TNFSF14: variants seen among roughly 807,000 people sequenced by gnomAD.
TNFSF14 encodes tumor necrosis factor ligand superfamily member 14.
Under a neutral mutation model 22.7 loss-of-function variants are expected in TNFSF14, and 15 were observed. That is an observed-to-expected ratio of 0.66 (90% CI 0.44 to 1.02). TNFSF14 has a LOEUF of 1.02. Ranked by LOEUF, TNFSF14 falls within the 50% of genes least tolerant of loss-of-function variation. TNFSF14 has a pLI of 0.00. For missense variants in TNFSF14, 287 were observed against 326.2 expected, an observed-to-expected ratio of 0.88 and a Z score of 0.93; for synonymous variants, 133 against 139.6, an observed-to-expected ratio of 0.95 and a Z score of 0.33.
At position 6,665,087 on chromosome 19, in the gene TNFSF14, C is replaced by T. The variant is rs772372888; in HGVS notation, c.562G>A (p.Gly188Arg). ...ACCCGGGAGCTGCTGGTGGCCCGTC[C>T]GCAGGGTGACTGCTGGCTGACCAAC... Reference protein sequence around the residue: ...ELLVSQQSPCGRATSSSRVWW... With the variant: ...ELLVSQQSPCRRATSSSRVWW... Residue 188 changes from glycine to arginine, a missense_variant, in exon 4 of 4, where the codon GGA becomes AGA. Gly to Arg is a moderately radical substitution (Grantham distance 125). Transcript: ENST00000675206. 34 of 1,613,926 alleles carry T rather than the reference C, an allele frequency of 2.1e-5. No individual in the cohort carries two copies. In the East Asian group the frequency reaches 5.3e-4, roughly 25 times the overall value.
chr19:6,665,821 T>TGTGTG (rs1278784838), intron 3 of TNFSF14, among the ~76,000 whole-genome samples: 1 of 123,058 alleles, frequency 8.1e-6, no homozygotes, highest in Non-Finnish European at 1.7e-5. Context: ...GTGTGTGTGT[T>TGTGTG]TGTAGAGGTG....
intron 3 of TNFSF14, among the ~76,000 whole-genome samples, chr19:6,665,784 C>CGTGTGTGTGTGT (rs35598085): frequency 2.1e-5 from 3 of 140,668 alleles, no homozygotes; most frequent in African/African-American, 7.9e-5. Flanking sequence ...TGCATGTGTG[C>CGTGTGTGTGTGT]GTGTGTGTGT....
At chr19:6,667,356 T>A in intron 2 of TNFSF14, 57 bp downstream of exon 2, 1 of 1,499,620 alleles carries the variant, frequency 6.7e-7, no homozygotes, top group Non-Finnish European at 8.9e-7. Context: ...GACCGAGGGG[T>A]GGGGGTGGCA....
At position 6,662,832 on chromosome 19, in the gene TNFSF14, G is replaced by A. The variant is rs891938207; in HGVS notation, c.*2094C>T. 2 of 152,214 alleles carry A rather than the reference G, an allele frequency of 1.3e-5. No individual in the cohort carries two copies. The highest frequency in any genetic ancestry group is 6.5e-5 in the Admixed American group (1 of 15,270). 9.4% of individuals were successfully genotyped at this position (152,214 alleles called of 1,614,324 possible). ...ATTCTGTCCTGGATGTGTCTAATAA[G>A]GGCGTCTTGCGGGATGTAGCCTCTA... On this transcript the variant is annotated 3_prime_UTR_variant, in exon 4 of 4. Coordinates refer to ENST00000675206, the MANE Select transcript of TNFSF14 (RefSeq NM_001376887.1).
rs1194771772 is a variant in TNFSF14 at position 6,664,358 on chromosome 19, C to A, written c.*568G>T. 6.6e-6 allele frequency: 1 copy of A among 152,204 alleles called. No homozygotes were observed. The highest frequency in any genetic ancestry group is 6.6e-5 in the Admixed American group (1 of 15,262). 9.4% of individuals were successfully genotyped at this position (152,204 alleles called of 1,614,324 possible). ...ACCCCATGTTTGGGGGCCCACAGAC[C>A]CCAAGTCTCTGGGTTTTTGTCCTTA... On this transcript the variant is annotated 3_prime_UTR_variant, in exon 4 of 4. Transcript: ENST00000675206. The surrounding 1 kb of genome is among the most constrained non-coding windows in gnomAD (Gnocchi z 4.7).
chr19:6,670,394 A>C (rs899422053), upstream of TNFSF14: 3 of 666,114 alleles, frequency 4.5e-6, no homozygotes, highest in African/African-American at 5.5e-5. Flanking sequence ...GGGGCCACCA[A>C]ATATCGACTG....
In TNFSF14 at chr19:6,664,874, C is replaced by G. The variant is rs1260065680; in HGVS notation, c.*52G>C. On this transcript the variant is annotated 3_prime_UTR_variant, in exon 4 of 4. Coordinates refer to ENST00000675206, the MANE Select transcript of TNFSF14 (RefSeq NM_001376887.1). The surrounding 1 kb of genome is among the most constrained non-coding windows in gnomAD (Gnocchi z 4.7). ...TGAGTTTTCTTTCCCCTGAGGCACC[C>G]TCTGAGTTCTCCACGTGTCAGACCC... 33 of 1,529,534 alleles carry G rather than the reference C, an allele frequency of 2.2e-5. No individual in the cohort carries two copies. The highest frequency in any genetic ancestry group is 2.0e-5 in the Non-Finnish European group (23 of 1,135,008). The allele number at this position is 1,529,534 out of a possible 1,614,324, so 94.7% of individuals were successfully genotyped here.
chr19:6,669,389 A>G (rs1020838553), intron 1 of TNFSF14, among the ~76,000 whole-genome samples: 1 of 152,198 alleles, frequency 6.6e-6, no homozygotes, highest in Non-Finnish European at 1.5e-5. Flanking sequence ...AGGCTGAGGC[A>G]GGAGAATCAC....
intron 1 of TNFSF14, 114 bp downstream of exon 1, chr19:6,669,737 T>TACACAC (rs34381198): frequency 0.022 from 26,943 of 1,228,320 alleles, 99 homozygotes; most frequent in Non-Finnish European, 0.025. Context: ...TGCCCTGTCC[T>TACACAC]ACACACACAC....
intron 3 of TNFSF14, among the ~76,000 whole-genome samples, chr19:6,665,795 G>GTGTGTGTGTGTGCGTGTGTGTGTGTT (rs1917407738): frequency 6.7e-6 from 1 of 149,290 alleles, no homozygotes; most frequent in Non-Finnish European, 1.5e-5. Context: ...GTGTGTGTGT[G>GTGTGTGTGTGTGCGTGTGTGTGTGTT]TGTGTGTGTG....
intron 2 of TNFSF14, 22 bp downstream of exon 2, chr19:6,667,391 T>C (rs778937085): frequency 4.6e-6 from 7 of 1,531,738 alleles, no homozygotes; most frequent in Non-Finnish European, 6.1e-6. Context: ...CCTCCTTCCC[T>C]GGGGCCAGGA....
In TNFSF14 at chr19:6,663,594, G is replaced by C. The variant is rs1917313176; in HGVS notation, c.*1332C>G. ...TACCAAGTGTGACGGTGACACCTCT[G>C]GGAGTGGCTGTGTAGCTGGGATGCT... On this transcript the variant is annotated 3_prime_UTR_variant, in exon 4 of 4. Transcript: ENST00000675206. 2 of 152,684 alleles carry C rather than the reference G, an allele frequency of 1.3e-5. No homozygotes were observed. 9.5% of individuals were successfully genotyped at this position (152,684 alleles called of 1,614,324 possible).
intron 2 of TNFSF14, 45 bp downstream of exon 2, chr19:6,667,368 G>A (rs1317721859): frequency 9.3e-6 from 14 of 1,513,240 alleles, no homozygotes; most frequent in Non-Finnish European, 1.2e-5. Flanking sequence ...GGGGTGGCAT[G>A]GGAATCATCA....
chr19:6,667,166 G>A lies in TNFSF14; in HGVS notation c.257-12C>T, dbSNP rs1917455407. 6.3e-7 allele frequency: 1 copy of A among 1,584,278 alleles called. No homozygotes were observed. The highest frequency in any genetic ancestry group is 1.7e-4 in the Middle Eastern group (1 of 5,960). On this transcript the variant is annotated splice_polypyrimidine_tract_variant and intron_variant, in intron 2 of 3. Coordinates refer to ENST00000675206, the MANE Select transcript of TNFSF14 (RefSeq NM_001376887.1). Reference sequence around the variant, plus strand: ...GTGAGACCTTCGCTCTGGGGAAAGAGGGTCAGAGGTTAGAGACGAAGACAG... The same window carrying A: ...GTGAGACCTTCGCTCTGGGGAAAGAAGGTCAGAGGTTAGAGACGAAGACAG...
intron 1 of TNFSF14, 104 bp downstream of exon 1, chr19:6,669,747 C>T (rs1917541195): frequency 6.2e-6 from 9 of 1,456,390 alleles, no homozygotes; most frequent in Non-Finnish European, 7.4e-6. Flanking sequence ...TACACACACA[C>T]ACACACACAC....
At position 6,669,914 on chromosome 19, in the gene TNFSF14, G is replaced by A. The variant is rs373962571; in HGVS notation, c.156C>T (p.Ala52=). ...GCTGCAGGAGGAACCAGCCTTGGAC[G>A]GCCAGCCCGGCCCCCATCAGCAACA... ...LLLLLMGAGL[A]VQGWFLLQLH... Residue 52 remains alanine, a synonymous_variant, in exon 1 of 4, where the codon GCC becomes GCT. Coordinates refer to ENST00000675206, the MANE Select transcript of TNFSF14 (RefSeq NM_001376887.1). The A allele has an allele frequency of 5.4e-5, 87 of 1,613,878 alleles. No homozygotes were observed. In the African/African-American group the frequency reaches 8.4e-4, roughly 16 times the overall value.
intron 1 of TNFSF14, 24 bp from the exon 2 acceptor site, chr19:6,667,473 G>C (rs142924793): frequency 2.5e-6 from 4 of 1,571,746 alleles, no homozygotes; most frequent in Non-Finnish European, 3.4e-6. Flanking sequence ...AGGGGCCTGC[G>C]GTAAGAACCT....
upstream of TNFSF14, chr19:6,670,207 A>AC (rs970468044): frequency 7.6e-6 from 11 of 1,449,174 alleles, no homozygotes; most frequent in African/African-American, 1.6e-4. Context: ...GTTCAGCCCC[A>AC]CCCCTTCCCC....
At chr19:6,669,579 G>A (rs892254229) in intron 1 of TNFSF14, among the ~76,000 whole-genome samples, 6 of 152,146 alleles carry the variant, frequency 3.9e-5, no homozygotes, top group Admixed American at 1.3e-4. Flanking sequence ...AGCTGGCATC[G>A]TCTGGTACTA....
Sources: allele counts gnomAD v4.1 joint callset (sites outside exome capture counted in the v4.1 genomes callset), GRCh38; gene constraint gnomAD v4.1.1; non-coding constraint Gnocchi (gnomAD v3.1); transcripts MANE v1.5; gene names NCBI Gene and HGNC (gene_info 2026-07-23, HGNC 2026-07-21).